Variants in CNTLN observed in about 807,000 individuals in gnomAD.
The protein encoded by CNTLN is centlein, also known as centlein, centrosomal protein.
Under a neutral mutation model 180.0 loss-of-function variants are expected in CNTLN, and 212 were observed. That is an observed-to-expected ratio of 1.18 (90% confidence interval 1.05 to 1.32). The LOEUF is 1.32. CNTLN is among the 40% of genes most tolerant of loss of function. The probability of loss-of-function intolerance (pLI) is 0.00; values close to 1 mark genes in which losing one functional copy is unlikely to be tolerated. For synonymous variants in CNTLN, 722 were observed against 563.1 expected (o/e 1.28, Z -3.99); for missense variants, 2,095 against 1,610.9 (o/e 1.30, Z -5.14).
intron 3 of CNTLN, among the ~76,000 whole-genome samples, chr9:17,226,581 C>T (rs1056028591): frequency 6.6e-6 from 1 of 152,004 alleles, no homozygotes; most frequent in African/African-American, 2.4e-5. Flanking sequence ...TAGCAGTTAT[C>T]ATTTACTTCT....
intron 2 of CNTLN, among the ~76,000 whole-genome samples, chr9:17,157,955 A>G (rs1819414719): frequency 6.6e-6 from 1 of 152,210 alleles, no homozygotes; most frequent in Non-Finnish European, 1.5e-5. Flanking sequence ...AAAAATATTA[A>G]TTAAAACTAC....
intron 18 of CNTLN, among the ~76,000 whole-genome samples, chr9:17,424,977 C>G (rs114123166): frequency 6.6e-6 from 1 of 152,066 alleles, no homozygotes; most frequent in Non-Finnish European, 1.5e-5. Flanking sequence ...CAAACTAAGA[C>G]GGATATCACA....
At chr9:17,294,766 C>T (rs1243078827) in intron 6 of CNTLN, among the ~76,000 whole-genome samples, 3 of 84,904 alleles carry the variant, frequency 3.5e-5, no homozygotes, top group South Asian at 6.6e-4. Context: ...CAGGAGCCCA[C>T]CGCGGGGGGA....
At chr9:17,412,186 A>G (rs191853064) in intron 16 of CNTLN, among the ~76,000 whole-genome samples, 1 of 152,228 alleles carries the variant, frequency 6.6e-6, no homozygotes, top group East Asian at 1.9e-4. Flanking sequence ...GTCAACTAAG[A>G]CTGGATTTCC....
chr9:17,488,930 A>C (rs182107769), intron 25 of CNTLN, among the ~76,000 whole-genome samples: 2 of 152,234 alleles, frequency 1.3e-5, no homozygotes, highest in Non-Finnish European at 2.9e-5. Flanking sequence ...ATGTGCCTTT[A>C]GATCATTTTT....
intron 5 of CNTLN, among the ~76,000 whole-genome samples, chr9:17,266,870 T>A (rs1177136045): frequency 1.3e-5 from 2 of 152,142 alleles, no homozygotes; most frequent in South Asian, 4.1e-4. Flanking sequence ...CCCCTGCCTT[T>A]TTTTGTTTTC....
chr9:17,451,702 C>T (rs1037045221), intron 18 of CNTLN, among the ~76,000 whole-genome samples: 1 of 152,192 alleles, frequency 6.6e-6, no homozygotes, highest in Non-Finnish European at 1.5e-5. Flanking sequence ...CCATGGGCCT[C>T]CAAGAAACCC....
At chr9:17,295,082 A>C (rs1407215971) in intron 6 of CNTLN, among the ~76,000 whole-genome samples, 1 of 151,814 alleles carries the variant, frequency 6.6e-6, no homozygotes, top group Non-Finnish European at 1.5e-5. Flanking sequence ...CTGGGTGCTA[A>C]GCCCCTCACT....
At chr9:17,451,295 G>T (rs1830762771) in intron 18 of CNTLN, among the ~76,000 whole-genome samples, 1 of 152,066 alleles carries the variant, frequency 6.6e-6, no homozygotes, top group Non-Finnish European at 1.5e-5. Flanking sequence ...AATTTATGTT[G>T]TAATTTTTTA....
At chr9:17,489,493 A>T (rs1833041799) in intron 25 of CNTLN, among the ~76,000 whole-genome samples, 1 of 151,896 alleles carries the variant, frequency 6.6e-6, no homozygotes, top group Admixed American at 6.6e-5. Context: ...TCAAATCCTG[A>T]GATTATCAGG....
In CNTLN at chr9:17,147,327, G is replaced by A. The variant is rs574477537; in HGVS notation, c.449+3951G>A. On this transcript the variant is annotated intron_variant, in intron 2 of 25. Coordinates refer to ENST00000380647, the MANE Select transcript of CNTLN (RefSeq NM_017738.4). ...TGAATGCAGTTTTTGGCCATTTGAT[G>A]TAGGCAAATGCTGCAGGTAGCTGTT... Among the ~76,000 whole-genome samples, 3 of 152,348 alleles carry A rather than the reference G, an allele frequency of 2.0e-5. No individual in the cohort carries two copies. The South Asian group carries it at 6.2e-4, about 32-fold the overall frequency.
intron 16 of CNTLN, among the ~76,000 whole-genome samples, chr9:17,412,833 A>T (rs978709936): frequency 6.6e-5 from 10 of 152,218 alleles, no homozygotes; most frequent in Non-Finnish European, 1.5e-4. Context: ...TGCCATCAAA[A>T]TGCTTCAACA....
intron 18 of CNTLN, among the ~76,000 whole-genome samples, chr9:17,426,490 A>C (rs1359332361): frequency 5.3e-5 from 8 of 152,030 alleles, no homozygotes; most frequent in Admixed American, 5.2e-4. Context: ...GTTATCTGAG[A>C]GAGCTAAAGT....
chr9:17,454,936 GC>G, intron 18 of CNTLN, among the ~76,000 whole-genome samples: 1 of 152,312 alleles, frequency 6.6e-6, no homozygotes, highest in Non-Finnish European at 1.5e-5. Context: ...TAGGAATCAT[GC>G]TGCTAATAAA....
intron 12 of CNTLN, among the ~76,000 whole-genome samples, chr9:17,359,717 T>TAAAAAAAAAAAAAAAAAAAAA (rs1456379699): frequency 1.5e-4 from 2 of 13,492 alleles, no homozygotes; most frequent in Non-Finnish European, 3.5e-4. Flanking sequence ...CCGTCTATAC[T>TAAAAAAAAAAAAAAAAAAAAA]AAAAATACAA....
At chr9:17,171,177 T>C (rs1300888516) in intron 2 of CNTLN, among the ~76,000 whole-genome samples, 1 of 152,180 alleles carries the variant, frequency 6.6e-6, no homozygotes, top group African/African-American at 2.4e-5. Flanking sequence ...TACTGGAAAA[T>C]TGTCATTTTG....
chr9:17,271,114 C>A (rs985300650), intron 5 of CNTLN, among the ~76,000 whole-genome samples: 3 of 151,988 alleles, frequency 2.0e-5, no homozygotes, highest in Non-Finnish European at 4.4e-5. Flanking sequence ...CCACGCCCGG[C>A]TAATTTTTTG....
chr9:17,326,892 G>T (rs1318799118), intron 8 of CNTLN, among the ~76,000 whole-genome samples: 2 of 152,054 alleles, frequency 1.3e-5, no homozygotes, highest in Admixed American at 6.6e-5. Context: ...AGCTCTAGGA[G>T]ATATAGGAAC....
intron 5 of CNTLN, among the ~76,000 whole-genome samples, chr9:17,243,090 A>G (rs957638139): frequency 3.9e-5 from 6 of 152,082 alleles, no homozygotes; most frequent in East Asian, 3.9e-4. Flanking sequence ...GAATTTGTCT[A>G]TTCTAGATTT....
Sources: gnomAD v4.1 joint callset for allele counts (sites outside exome capture counted in the v4.1 genomes callset) on GRCh38, gnomAD v4.1.1 for gene constraint, MANE v1.5 for transcripts, NCBI Gene and HGNC (gene_info 2026-07-23, HGNC 2026-07-21) for gene names.